Variants in CNTN5 observed in about 807,000 individuals in gnomAD.
CNTN5 encodes contactin 5, also known as contactin-5.
A neutral mutation model predicts 129.1 loss-of-function variants in CNTN5; 77 were observed. The observed-to-expected ratio is 0.60, with a 90% CI of 0.50 to 0.72. The LOEUF (loss-of-function observed/expected upper bound fraction) is 0.72. Ranked by LOEUF, CNTN5 falls within the 30% of genes least tolerant of loss-of-function variation. The probability of loss-of-function intolerance (pLI) is 0.00; values close to 1 mark genes in which losing one functional copy is unlikely to be tolerated. For synonymous variants in CNTN5, 509 were observed against 465.6 expected (o/e 1.09, Z -1.20); for missense variants, 1,478 against 1,328.8 (o/e 1.11, Z -1.75).
intron 2 of CNTN5, among the ~76,000 whole-genome samples, chr11:99,348,114 C>T (rs1209151355): frequency 3.3e-5 from 5 of 152,064 alleles, no homozygotes; most frequent in Admixed American, 2.6e-4. Flanking sequence ...ATCTTCTTAG[C>T]GGATCACGAG....
At chr11:99,368,669 T>C (rs749187177) in intron 2 of CNTN5, among the ~76,000 whole-genome samples, 1 of 152,142 alleles carries the variant, frequency 6.6e-6, no homozygotes, top group Non-Finnish European at 1.5e-5. Flanking sequence ...ACAGCATACA[T>C]ACTTCCTGTT....
chr11:99,906,573 T>C (rs1949512677), intron 6 of CNTN5, among the ~76,000 whole-genome samples: 1 of 152,208 alleles, frequency 6.6e-6, no homozygotes, highest in Admixed American at 6.5e-5. Context: ...GATTTCCACA[T>C]TGATGTTCAT....
chr11:99,637,196 T>G (rs572622120), intron 3 of CNTN5, among the ~76,000 whole-genome samples: 91 of 151,658 alleles, frequency 6.0e-4, no homozygotes, highest in Non-Finnish European at 2.9e-5. Context: ...AGACAGTTTA[T>G]AGTAGCAAAA....
Position 100,126,105 on chromosome 11 carries a change from G to A in CNTN5, c.1580+51811G>A, listed in dbSNP as rs546696402. On this transcript the variant is annotated intron_variant, in intron 13 of 24. Coordinates refer to ENST00000524871, the MANE Select transcript of CNTN5 (RefSeq NM_014361.4). ...AGTTGTTTGTTTTCCATGCAATTGT[G>A]TGGTTTTAAAAGATCTTCTTGGTAT... Among the ~76,000 whole-genome samples, 5 of 152,204 alleles carry A rather than the reference G, an allele frequency of 3.3e-5. No homozygotes were observed. In the East Asian group the frequency reaches 9.7e-4, roughly 29 times the overall value.
chr11:99,362,079 T>C (rs1338912111), intron 2 of CNTN5, among the ~76,000 whole-genome samples: 1 of 152,122 alleles, frequency 6.6e-6, no homozygotes, highest in Non-Finnish European at 1.5e-5. Flanking sequence ...TAACATTTTG[T>C]ATTCCCACTA....
chr11:99,933,435 C>T (rs1378563748), intron 7 of CNTN5, among the ~76,000 whole-genome samples: 3 of 152,056 alleles, frequency 2.0e-5, no homozygotes, highest in Non-Finnish European at 4.4e-5. Flanking sequence ...TAACCACTAC[C>T]ATAATCATGG....
intron 21 of CNTN5, among the ~76,000 whole-genome samples, chr11:100,316,737 A>G (rs1443351980): frequency 1.3e-5 from 2 of 152,206 alleles, no homozygotes; most frequent in African/African-American, 4.8e-5. Flanking sequence ...TGCCAAGTTT[A>G]TGGTGCTTGT....
At chr11:100,154,198 G>A (rs1439460173) in intron 13 of CNTN5, among the ~76,000 whole-genome samples, 1 of 152,066 alleles carries the variant, frequency 6.6e-6, no homozygotes, top group Non-Finnish European at 1.5e-5. Flanking sequence ...AGGACATGCA[G>A]TGTTTGGCTT....
chr11:100,017,007 TCTG>T (rs1940859093), intron 9 of CNTN5, among the ~76,000 whole-genome samples: 2 of 151,914 alleles, frequency 1.3e-5, no homozygotes, highest in South Asian at 4.1e-4. Context: ...AGAACATATG[TCTG>T]CTGCTGCTTT....
intron 13 of CNTN5, among the ~76,000 whole-genome samples, chr11:100,076,066 G>A (rs192899312): frequency 1.7e-3 from 252 of 152,220 alleles, no homozygotes; most frequent in Middle Eastern, 3.4e-3. Flanking sequence ...TGATCAGATA[G>A]TGATTGAATA....
chr11:99,698,007 C>A (rs749738573), intron 3 of CNTN5, among the ~76,000 whole-genome samples: 1 of 150,364 alleles, frequency 6.7e-6, no homozygotes, highest in African/African-American at 2.4e-5. Flanking sequence ...ACCGTTTCGA[C>A]GACTGTTTTA....
intron 1 of CNTN5, among the ~76,000 whole-genome samples, chr11:99,173,413 T>A (rs531339217): frequency 6.6e-6 from 1 of 152,262 alleles, no homozygotes; most frequent in East Asian, 1.9e-4. Flanking sequence ...AAAGAAGACA[T>A]AATGTTTTAC....
At chr11:99,715,199 A>G (rs1955167613) in intron 3 of CNTN5, among the ~76,000 whole-genome samples, 1 of 152,050 alleles carries the variant, frequency 6.6e-6, no homozygotes, top group African/African-American at 2.4e-5. Flanking sequence ...GCTGAATAAA[A>G]GAGAGTGAAA....
At chr11:99,279,259 A>G (rs1225391834) in intron 1 of CNTN5, among the ~76,000 whole-genome samples, 1 of 151,832 alleles carries the variant, frequency 6.6e-6, no homozygotes, top group Non-Finnish European at 1.5e-5. Context: ...AAGCTACACC[A>G]AAATACATAT....
At chr11:99,894,802 T>C (rs773184445) in intron 6 of CNTN5, among the ~76,000 whole-genome samples, 7 of 152,186 alleles carry the variant, frequency 4.6e-5, no homozygotes, top group Non-Finnish European at 1.0e-4. Flanking sequence ...TTATATAAAA[T>C]GTAAGTTACG....
intron 3 of CNTN5, among the ~76,000 whole-genome samples, chr11:99,574,687 G>A (rs1481918703): frequency 6.6e-6 from 1 of 151,806 alleles, no homozygotes; most frequent in Non-Finnish European, 1.5e-5. Flanking sequence ...TCATATCTTT[G>A]TTGGCCACAT....
rs149213224 is a variant in CNTN5 at position 99,968,011 on chromosome 11, G to T, written c.877+11002G>T. On this transcript the variant is annotated intron_variant, in intron 8 of 24. Coordinates refer to ENST00000524871, the MANE Select transcript of CNTN5 (RefSeq NM_014361.4). Reference sequence around the variant, plus strand: ...TATTAACTAAAAAGAAGTTGAGGTTGCTATATTAATATCCTGTATTAAGCA... The same window carrying T: ...TATTAACTAAAAAGAAGTTGAGGTTTCTATATTAATATCCTGTATTAAGCA... Among the ~76,000 whole-genome samples the T allele has an allele frequency of 2.7e-3, 406 of 152,294 alleles. 2 individuals are homozygous for T. The highest frequency in any genetic ancestry group is 4.9e-3 in the Non-Finnish European group (335 of 68,022).
chr11:99,419,837 T>C (rs1942810763), intron 2 of CNTN5, among the ~76,000 whole-genome samples: 1 of 152,160 alleles, frequency 6.6e-6, no homozygotes, highest in Non-Finnish European at 1.5e-5. Flanking sequence ...TCCCAATTAA[T>C]GACTTCTCCC....
chr11:99,794,663 T>C (rs1945870049), intron 3 of CNTN5, among the ~76,000 whole-genome samples: 1 of 152,172 alleles, frequency 6.6e-6, no homozygotes, highest in African/African-American at 2.4e-5. Context: ...AAGAATCTTA[T>C]TTTTCCTTTG....
Sources: allele counts gnomAD v4.1 joint callset (sites outside exome capture counted in the v4.1 genomes callset), GRCh38; gene constraint gnomAD v4.1.1; transcripts MANE v1.5; gene names NCBI Gene and HGNC (gene_info 2026-07-23, HGNC 2026-07-21).